The following GRM3 variants were observed in gnomAD, a reference collection of about 807,000 sequenced individuals.
The protein encoded by GRM3 is glutamate metabotropic receptor 3, also known as metabotropic glutamate receptor 3.
GRM3 carries 26 observed loss-of-function variants against 70.5 expected under a neutral mutation model. The observed-to-expected ratio is 0.37, with a 90% CI of 0.27 to 0.51. The LOEUF is 0.51. Ranked by LOEUF, GRM3 falls within the 20% of genes least tolerant of loss-of-function variation. The pLI is 0.93. For synonymous variants in GRM3, 443 were observed against 434.9 expected, an observed-to-expected ratio of 1.02 and a Z score of -0.23; for missense variants, 859 against 1,123.8, an observed-to-expected ratio of 0.76 and a Z score of 3.37.
chr7:86,706,245 G>A (rs539114704), intron 1 of GRM3, among the ~76,000 whole-genome samples: 1 of 152,038 alleles, frequency 6.6e-6, no homozygotes, highest in Non-Finnish European at 1.5e-5. Context: ...ACCTGTTAGA[G>A]TTTAAAGTAG....
chr7:86,786,195 T>C lies in GRM3; in HGVS notation c.469-66T>C, dbSNP rs2116539387. 1 of 1,377,562 alleles carries C rather than the reference T, an allele frequency of 7.3e-7. No homozygotes were observed. The highest frequency in any genetic ancestry group is 1.0e-6 in the Non-Finnish European group (1 of 996,124). The allele number at this position is 1,377,562 out of a possible 1,614,324, so 85.3% of individuals were successfully genotyped here. On this transcript the variant is annotated intron_variant, in intron 2 of 5. Coordinates refer to ENST00000361669, the MANE Select transcript of GRM3 (RefSeq NM_000840.3). This position sits in a 1 kb window ranked among gnomAD's most constrained non-coding sequence, Gnocchi z 6.0. ...TCAGTAAAAGGTGTGGATGCTATTA[T>C]TCATTTTCATGTCCAGTCATCTACC...
At chr7:86,763,649 C>T (rs1796532649) in intron 1 of GRM3, among the ~76,000 whole-genome samples, 1 of 152,126 alleles carries the variant, frequency 6.6e-6, no homozygotes, top group South Asian at 2.1e-4. Context: ...TTCACAGTAG[C>T]TACAGTCAAC....
At chr7:86,657,561 A>G (rs1793778305) in intron 1 of GRM3, among the ~76,000 whole-genome samples, 1 of 152,214 alleles carries the variant, frequency 6.6e-6, no homozygotes, top group African/African-American at 2.4e-5. Context: ...GTCAGGGCAG[A>G]AGATAAAGCT....
intron 1 of GRM3, among the ~76,000 whole-genome samples, chr7:86,715,228 C>G (rs1490376564): frequency 6.6e-6 from 1 of 151,954 alleles, no homozygotes; most frequent in African/African-American, 2.4e-5. Flanking sequence ...ATCTCAAACA[C>G]CAATTACCAT....
intron 1 of GRM3, among the ~76,000 whole-genome samples, chr7:86,680,527 G>T (rs771489037): frequency 6.6e-6 from 1 of 152,064 alleles, no homozygotes; most frequent in African/African-American, 2.4e-5. Flanking sequence ...CCTCTACTAT[G>T]CAAGTGTTGG....
chr7:86,688,113 A>G (rs1057294213), intron 1 of GRM3, among the ~76,000 whole-genome samples: 1 of 151,694 alleles, frequency 6.6e-6, no homozygotes, highest in Admixed American at 6.6e-5. Flanking sequence ...AAAACATAAC[A>G]TTTTACACCT....
chr7:86,807,227 G>A (rs1378270074), intron 3 of GRM3, among the ~76,000 whole-genome samples: 3 of 66,660 alleles, frequency 4.5e-5, no homozygotes, highest in Admixed American at 2.4e-4. Flanking sequence ...TGCAATGTGG[G>A]CTCTTTTTTG....
Position 86,825,878 on chromosome 7 carries a change from G to T in GRM3, c.1325-12961G>T, listed in dbSNP as rs1249245871. The stretch of plus-strand genomic sequence containing the variant: ...ACGGTTGGCTTCTGAGAGCATCTCT[G>T]AATGGGATTTTCCCAGCTATTTTCA... On this transcript the variant is annotated intron_variant, in intron 3 of 5. Coordinates refer to ENST00000361669, the MANE Select transcript of GRM3 (RefSeq NM_000840.3). 3.3e-5 allele frequency among the ~76,000 whole-genome samples: 5 copies of T among 152,188 alleles called. No individual in the cohort carries two copies. The East Asian group carries it at 5.8e-4, about 18-fold the overall frequency.
chr7:86,675,328 TG>T (rs1436847646), intron 1 of GRM3, among the ~76,000 whole-genome samples: 1 of 152,102 alleles, frequency 6.6e-6, no homozygotes, highest in Non-Finnish European at 1.5e-5. Context: ...TGATAAGCTA[TG>T]CTTAAGTTAT....
chr7:86,645,991 G>T (rs1793454630), intron 1 of GRM3, among the ~76,000 whole-genome samples: 8 of 22,398 alleles, frequency 3.6e-4, no homozygotes, highest in African/African-American at 1.3e-3. Context: ...GGGCGGGGGG[G>T]TGGGGGTGGG....
rs538106564 is a variant in GRM3, at chr7:86,730,399, G to A, written c.-140-34607G>A. ...CGTGCCATTGCACTCCAGCCTGGGC[G>A]TCAAGAGCGAAACTCTGTCTCAAAA... On this transcript the variant is annotated intron_variant, in intron 1 of 5. Transcript: ENST00000361669. Among the ~76,000 whole-genome samples the A allele has an allele frequency of 7.2e-4, 110 of 152,328 alleles. 1 individual carries two copies. The highest frequency in any genetic ancestry group is 3.4e-3 in the Middle Eastern group (1 of 294).
intron 3 of GRM3, among the ~76,000 whole-genome samples, chr7:86,827,862 C>T (rs569696222): frequency 4.6e-4 from 70 of 152,168 alleles, no homozygotes; most frequent in African/African-American, 1.7e-3. Flanking sequence ...CCTGTAACCC[C>T]AGCACTTTGG....
intron 4 of GRM3, among the ~76,000 whole-genome samples, chr7:86,846,118 C>A (rs1318520134): frequency 6.6e-6 from 1 of 152,118 alleles, no homozygotes; most frequent in East Asian, 1.9e-4. Flanking sequence ...CTTTGCATAC[C>A]TTTCTCATTC....
chr7:86,828,618 T>C (rs1366772601), intron 3 of GRM3, among the ~76,000 whole-genome samples: 1 of 152,216 alleles, frequency 6.6e-6, no homozygotes, highest in African/African-American at 2.4e-5. Flanking sequence ...TGCTAAAAAA[T>C]GCTAACAATC....
At chr7:86,816,113 T>C (rs1312795514) in intron 3 of GRM3, among the ~76,000 whole-genome samples, 2 of 151,812 alleles carry the variant, frequency 1.3e-5, no homozygotes, top group Non-Finnish European at 2.9e-5. Context: ...ATGGAGAAGG[T>C]GGCCTCTGAA....
intron 1 of GRM3, among the ~76,000 whole-genome samples, chr7:86,713,166 A>G (rs1179645307): frequency 6.6e-6 from 1 of 152,006 alleles, no homozygotes; most frequent in Non-Finnish European, 1.5e-5. Context: ...TTTCGATAAG[A>G]GCCGTTTTAA....
chr7:86,696,724 G>A (rs750326168), intron 1 of GRM3, among the ~76,000 whole-genome samples: 8 of 150,766 alleles, frequency 5.3e-5, no homozygotes, highest in African/African-American at 1.2e-4. Context: ...TGGTGGTAGC[G>A]GTGGTAGCAG....
At chr7:86,840,472 T>C (rs1343745016) in intron 4 of GRM3, among the ~76,000 whole-genome samples, 2 of 152,154 alleles carry the variant, frequency 1.3e-5, no homozygotes, top group Non-Finnish European at 2.9e-5. Context: ...TACATATATA[T>C]TTTTCTTTAA....
chr7:86,768,595 A>C (rs1387577690), intron 2 of GRM3, among the ~76,000 whole-genome samples: 1 of 152,216 alleles, frequency 6.6e-6, no homozygotes, highest in Non-Finnish European at 1.5e-5. Flanking sequence ...TAAGAATGAA[A>C]GTTGCATTGG....
Sources: allele counts gnomAD v4.1 joint callset (sites outside exome capture counted in the v4.1 genomes callset), GRCh38; gene constraint gnomAD v4.1.1; non-coding constraint Gnocchi (gnomAD v3.1); transcripts MANE v1.5; gene names NCBI Gene and HGNC (gene_info 2026-07-23, HGNC 2026-07-21).